The following SCARA3 variants were observed in gnomAD, a reference collection of about 807,000 sequenced individuals.
SCARA3 encodes scavenger receptor class A member 3, also known as cellular stress response gene protein.
A neutral mutation model predicts 47.0 loss-of-function variants in SCARA3; 39 were observed. That is an observed-to-expected ratio of 0.83 (90% CI 0.64 to 1.08). The LOEUF is 1.08. SCARA3 is among the 50% of genes least tolerant of loss of function. The pLI is 0.00. For synonymous variants in SCARA3, 356 were observed against 334.1 expected (o/e 1.07, Z -0.71); for missense variants, 724 against 792.3 (o/e 0.91, Z 1.04).
chr8:27,697,463 G>A, the SCARA3 span: 1 of 152,700 alleles, frequency 6.5e-6, no homozygotes, highest in Non-Finnish European at 1.5e-5. Context: ...TGCTTCTCTA[G>A]TACTTCATTT....
the SCARA3 span, among the ~76,000 whole-genome samples, chr8:27,731,243 G>A: frequency 2.0e-5 from 3 of 151,364 alleles, no homozygotes; most frequent in African/African-American, 7.3e-5. Flanking sequence ...AGGACTATAG[G>A]AATGCCTAGC....
At chr8:27,638,049 G>C (rs530425818) in intron 1 of SCARA3, among the ~76,000 whole-genome samples, 12 of 152,028 alleles carry the variant, frequency 7.9e-5, no homozygotes, top group Non-Finnish European at 1.6e-4. Flanking sequence ...CTCAAACATC[G>C]GCCCCACTCC....
chr8:27,677,795 T>C (rs541944317), downstream of SCARA3, among the ~76,000 whole-genome samples: 1 of 152,312 alleles, frequency 6.6e-6, no homozygotes, highest in South Asian at 2.1e-4. Context: ...GAACATGATG[T>C]GAGCCATGAA....
At chr8:27,668,154 C>G (rs549788408) in intron 5 of SCARA3, among the ~76,000 whole-genome samples, 6 of 152,220 alleles carry the variant, frequency 3.9e-5, no homozygotes, top group Non-Finnish European at 7.3e-5. Context: ...TAGGGAAAGA[C>G]TCCCCAGAGC....
the SCARA3 span, among the ~76,000 whole-genome samples, chr8:27,724,561 G>A: frequency 0.013 from 1,984 of 152,288 alleles, 44 homozygotes; most frequent in African/African-American, 0.045. Flanking sequence ...GAGAGGCTGA[G>A]GCAGGAGAAC....
the SCARA3 span, among the ~76,000 whole-genome samples, chr8:27,728,807 TGAGCCCGG>T: frequency 6.6e-6 from 1 of 152,172 alleles, no homozygotes; most frequent in African/African-American, 2.4e-5. Flanking sequence ...GAGAATTACT[TGAGCCCGG>T]GAGTTCGAGG....
Position 27,672,286 on chromosome 8 carries a change from G to T in SCARA3, c.*935G>T. The stretch of plus-strand genomic sequence containing the variant: ...TCTGCCCTTCAGGAGCAGCCTGGAA[G>T]GAATCCAAGCAGGAGTTTCATCTGC... On this transcript the variant is annotated 3_prime_UTR_variant, in exon 6 of 6. Transcript: ENST00000301904. 1 of 985,508 alleles carries T rather than the reference G, an allele frequency of 1.0e-6. No homozygotes were observed. The highest frequency in any genetic ancestry group is 4.7e-5 in the South Asian group (1 of 21,288). 61.0% of individuals were successfully genotyped at this position (985,508 alleles called of 1,614,324 possible). A position where few individuals can be genotyped will look rare whatever the true frequency, so the allele number is the denominator to read the frequency against.
chr8:27,731,576 A>T, the SCARA3 span, among the ~76,000 whole-genome samples: 1 of 139,990 alleles, frequency 7.1e-6, no homozygotes, highest in African/African-American at 2.6e-5. Flanking sequence ...TCGGAGACGG[A>T]GGTTGCAGTG....
intron 1 of SCARA3, among the ~76,000 whole-genome samples, chr8:27,636,681 G>C (rs750069781): frequency 6.6e-6 from 1 of 152,092 alleles, no homozygotes; most frequent in Non-Finnish European, 1.5e-5. Flanking sequence ...TCCTGTCTAC[G>C]GAGGCCCTGA....
chr8:27,706,581 G>A, the SCARA3 span, among the ~76,000 whole-genome samples: 1 of 152,164 alleles, frequency 6.6e-6, no homozygotes, highest in East Asian at 1.9e-4. Flanking sequence ...ACACGAGATG[G>A]GGAAAAGACT....
the SCARA3 span, among the ~76,000 whole-genome samples, chr8:27,708,912 C>G: frequency 6.6e-6 from 1 of 152,052 alleles, no homozygotes; most frequent in East Asian, 1.9e-4. Context: ...CCCTCCCTTA[C>G]AGTGTGTGGA....
In SCARA3 at chr8:27,658,952, T is replaced by G. The variant is rs566057005; in HGVS notation, c.782T>G (p.Leu261Arg). 1 of 1,613,958 alleles carries G rather than the reference T, an allele frequency of 6.2e-7. No individual in the cohort carries two copies. The highest frequency in any genetic ancestry group is 1.1e-5 in the South Asian group (1 of 91,062). ...ACCGACTGGCAGAACTACACACGGCTCTTCAGCGGCCTGCGCACCACCTCC... is the reference window on the plus strand; with the variant it reads ...ACCGACTGGCAGAACTACACACGGCGCTTCAGCGGCCTGCGCACCACCTCC... ...IVTDWQNYTR[L>R]FSGLRTTSTK... The change falls in exon 5 of 6, where the codon CTC (leucine) becomes CGC (arginine). Residue 261 changes from leucine (L) to arginine (R), a missense_variant. Leu to Arg is a moderately radical substitution (Grantham distance 102). Coordinates refer to ENST00000301904, the MANE Select transcript of SCARA3 (RefSeq NM_016240.3).
chr8:27,647,520 G>C (rs1801531962), intron 1 of SCARA3, among the ~76,000 whole-genome samples: 1 of 152,186 alleles, frequency 6.6e-6, no homozygotes, highest in Admixed American at 6.5e-5. Context: ...TGTGTTTGTT[G>C]AGCCTTTCTC....
intron 3 of SCARA3, among the ~76,000 whole-genome samples, chr8:27,654,092 A>T (rs1801691643): frequency 6.6e-6 from 1 of 152,190 alleles, no homozygotes; most frequent in South Asian, 2.1e-4. Flanking sequence ...CCCATCAGTA[A>T]AAAATTCATT....
intron 2 of SCARA3, among the ~76,000 whole-genome samples, chr8:27,651,078 A>G (rs1801621824): frequency 6.6e-6 from 1 of 152,208 alleles, no homozygotes; most frequent in Non-Finnish European, 1.5e-5. Context: ...GATTGGCACC[A>G]TGCTGAGGAG....
chr8:27,714,193 CTTTTTT>C, the SCARA3 span, among the ~76,000 whole-genome samples: 1 of 114,110 alleles, frequency 8.8e-6, no homozygotes, highest in Non-Finnish European at 1.7e-5. Context: ...TCAGGTATTC[CTTTTTT>C]TTTTTTTTTT....
intron 1 of SCARA3, among the ~76,000 whole-genome samples, chr8:27,637,813 G>C (rs1457500029): frequency 6.6e-6 from 1 of 152,048 alleles, no homozygotes; most frequent in African/African-American, 2.4e-5. Context: ...ATCCCAGGAG[G>C]AATCCGCCCT....
chr8:27,710,524 C>T, the SCARA3 span, among the ~76,000 whole-genome samples: 4 of 152,112 alleles, frequency 2.6e-5, no homozygotes, highest in Non-Finnish European at 5.9e-5. Flanking sequence ...ATTAAGTACC[C>T]GGATGAACGA....
chr8:27,698,519 C>A, the SCARA3 span, among the ~76,000 whole-genome samples: 1 of 151,914 alleles, frequency 6.6e-6, no homozygotes, highest in Admixed American at 6.6e-5. Context: ...GAGGTCCTCC[C>A]CAACGAAATA....
Sources: gnomAD v4.1 joint callset for allele counts (sites outside exome capture counted in the v4.1 genomes callset) on GRCh38, gnomAD v4.1.1 for gene constraint, MANE v1.5 for transcripts, NCBI Gene and HGNC (gene_info 2026-07-23, HGNC 2026-07-21) for gene names.